The following NTM variants were observed in gnomAD, a reference collection of about 807,000 sequenced individuals.
NTM encodes the protein IgLON family member 2.
Under a neutral mutation model 42.1 loss-of-function variants are expected in NTM, and 13 were observed. That is an observed-to-expected ratio of 0.31 (90% CI 0.20 to 0.49). NTM has a LOEUF of 0.49. Among genes scored for constraint, NTM ranks in the 20% least tolerant of loss-of-function variants. The pLI, the probability that NTM is intolerant of heterozygous loss-of-function variation, is 0.99. For synonymous variants in NTM, 187 were observed against 179.2 expected, an observed-to-expected ratio of 1.04 and a Z score of -0.35; for missense variants, 373 against 452.8, an observed-to-expected ratio of 0.82 and a Z score of 1.60.
At chr11:131,695,320 C>T (rs1197643363) in intron 1 of NTM, among the ~76,000 whole-genome samples, 1 of 152,086 alleles carries the variant, frequency 6.6e-6, no homozygotes, top group Non-Finnish European at 1.5e-5. Flanking sequence ...CCTAGCAGCT[C>T]CCCCTGAGAT....
intron 1 of NTM, among the ~76,000 whole-genome samples, chr11:131,420,237 A>C (rs1266763918): frequency 1.3e-5 from 2 of 152,170 alleles, no homozygotes; most frequent in Non-Finnish European, 2.9e-5. Flanking sequence ...ATGCAATGGC[A>C]AAGGTCCTTA....
At chr11:132,235,399 C>T (rs2088605372) in intron 4 of NTM, among the ~76,000 whole-genome samples, 1 of 152,066 alleles carries the variant, frequency 6.6e-6, no homozygotes, top group Non-Finnish European at 1.5e-5. Flanking sequence ...GCATCTCCAG[C>T]CTCCAGAACG....
intron 1 of NTM, among the ~76,000 whole-genome samples, chr11:131,887,243 C>T (rs2050556018): frequency 6.6e-6 from 1 of 152,194 alleles, no homozygotes. Flanking sequence ...ATCAAAACAT[C>T]ATGTTGTACA....
At position 132,174,227 on chromosome 11, in the gene NTM, A is replaced by G. The variant is rs187186917; in HGVS notation, c.400+27713A>G. On this transcript the variant is annotated intron_variant, in intron 3 of 8. Transcript: ENST00000683400. The stretch of plus-strand genomic sequence containing the variant: ...TCACTGGGCACTGAGTAGCTGGGCA[A>G]ACTTATACAGGACACTTAAGTTTTC... 6.6e-5 allele frequency among the ~76,000 whole-genome samples: 10 copies of G among 152,320 alleles called. No homozygotes were observed. In the East Asian group the frequency reaches 1.7e-3, roughly 26 times the overall value.
In NTM at chr11:131,844,930, T is replaced by C. The variant is rs145167633; in HGVS notation, c.83-66634T>C. 2.9e-3 allele frequency among the ~76,000 whole-genome samples: 435 copies of C among 152,278 alleles called. 2 individuals carry two copies. The highest frequency in any genetic ancestry group is 9.4e-3 in the African/African-American group (391 of 41,564). On this transcript the variant is annotated intron_variant, in intron 1 of 8. Transcript: ENST00000683400. ...GTTTGTTGTTTTCTTTTCTAATCCT[T>C]ATTATCTTCATTTCTTTGTCCTGTC...
chr11:132,207,137 T>C (rs748065380), intron 3 of NTM, among the ~76,000 whole-genome samples: 5 of 152,160 alleles, frequency 3.3e-5, no homozygotes, highest in Admixed American at 6.5e-5. Context: ...CACATACCGA[T>C]ACTGCTCTGT....
intron 1 of NTM, among the ~76,000 whole-genome samples, chr11:131,548,373 G>A (rs114497980): frequency 0.014 from 2,118 of 152,138 alleles, 48 homozygotes; most frequent in African/African-American, 0.048. Flanking sequence ...GTCAAGAAAG[G>A]CATAAAAATT....
intron 1 of NTM, among the ~76,000 whole-genome samples, chr11:131,873,599 CATATATATATACCGTATATATATACAT>C (rs1565657785): frequency 2.0e-5 from 2 of 100,628 alleles, no homozygotes; most frequent in Admixed American, 2.2e-4. Flanking sequence ...TATATATATA[CATATATATATACCGTATATATATACAT>C]ATATATATAC....
chr11:132,330,329 G>A (rs906356269), intron 8 of NTM, 144 bp downstream of exon 8: 18 of 872,840 alleles, frequency 2.1e-5, no homozygotes, highest in African/African-American at 1.5e-4. Flanking sequence ...AACCATCTCC[G>A]TGTCAATTTA....
At chr11:131,691,566 C>A (rs955127286) in intron 1 of NTM, among the ~76,000 whole-genome samples, 4 of 150,838 alleles carry the variant, frequency 2.7e-5, no homozygotes, top group Non-Finnish European at 4.4e-5. Flanking sequence ...AAGCCCCCCC[C>A]CGACTTCCCT....
chr11:131,470,387 G>A (rs1268984339), intron 1 of NTM, among the ~76,000 whole-genome samples: 1 of 152,152 alleles, frequency 6.6e-6, no homozygotes, highest in African/African-American at 2.4e-5. Context: ...AAAAGACTGG[G>A]CAAAGCATTC....
At chr11:131,909,414 C>T (rs114883315) in intron 1 of NTM, among the ~76,000 whole-genome samples, 40 of 152,222 alleles carry the variant, frequency 2.6e-4, no homozygotes, top group African/African-American at 9.4e-4. Context: ...TCTTTGATAC[C>T]GGATGGCTTT....
intron 1 of NTM, among the ~76,000 whole-genome samples, chr11:131,532,643 A>G (rs989038904): frequency 1.3e-5 from 2 of 152,244 alleles, no homozygotes; most frequent in Admixed American, 6.5e-5. Flanking sequence ...GGAACTGCTA[A>G]GCTGTCTTCC....
chr11:131,583,429 G>A (rs1477884130), intron 1 of NTM, among the ~76,000 whole-genome samples: 1 of 152,180 alleles, frequency 6.6e-6, no homozygotes, highest in African/African-American at 2.4e-5. Context: ...AAATGTCTGT[G>A]TTAACAATGT....
At chr11:132,308,580 A>AG (rs1257174063) in intron 5 of NTM, among the ~76,000 whole-genome samples, 2 of 152,102 alleles carry the variant, frequency 1.3e-5, no homozygotes, top group African/African-American at 4.8e-5. Context: ...CATTCCAGGA[A>AG]GACTTACGAA....
chr11:131,981,305 G>A (rs1456626835), intron 2 of NTM: 1 of 152,172 alleles, frequency 6.6e-6, no homozygotes, highest in African/African-American at 2.4e-5. Flanking sequence ...GCTTTTAAGT[G>A]GGCACCCATT....
intron 4 of NTM, among the ~76,000 whole-genome samples, chr11:132,215,635 C>T (rs994974331): frequency 1.3e-5 from 2 of 152,166 alleles, no homozygotes; most frequent in African/African-American, 4.8e-5. Flanking sequence ...GAGGTAGGAC[C>T]TCCAAGGCCA....
chr11:132,174,520 G>A (rs542044337), intron 3 of NTM, among the ~76,000 whole-genome samples: 5 of 152,274 alleles, frequency 3.3e-5, no homozygotes, highest in South Asian at 4.1e-4. Flanking sequence ...GGTGAGGAGC[G>A]GACTATGATG....
chr11:131,536,414 T>G (rs1202658970), intron 1 of NTM: 3 of 152,170 alleles, frequency 2.0e-5, no homozygotes, highest in East Asian at 1.9e-4. Flanking sequence ...GCACATAGAG[T>G]ATGGAGCCCA....
Sources: gnomAD v4.1 joint callset for allele counts (sites outside exome capture counted in the v4.1 genomes callset) on GRCh38, gnomAD v4.1.1 for gene constraint, MANE v1.5 for transcripts, NCBI Gene and HGNC (gene_info 2026-07-23, HGNC 2026-07-21) for gene names.